The following COPG2 variants were observed in gnomAD, a reference collection of about 807,000 sequenced individuals.
COPG2 encodes the protein coatomer subunit gamma-2.
COPG2 carries 37 observed loss-of-function variants against 46.3 expected under a neutral mutation model. The observed-to-expected ratio is 0.80, with a 90% CI of 0.61 to 1.05. The LOEUF is 1.05. Ranked by LOEUF, COPG2 falls within the 50% of genes least tolerant of loss-of-function variation. COPG2 has a pLI of 0.00. For missense variants in COPG2, 427 were observed against 387.8 expected, an observed-to-expected ratio of 1.10 and a Z score of -0.85; for synonymous variants, 159 against 129.7, an observed-to-expected ratio of 1.23 and a Z score of -1.53.
intron 20 of COPG2, among the ~76,000 whole-genome samples, 155 bp from the exon 21 acceptor site, chr7:130,508,814 G>A (rs896988174): frequency 4.6e-5 from 7 of 152,116 alleles, no homozygotes; most frequent in African/African-American, 1.4e-4. Context: ...GCCTACAAGC[G>A]GGTCAGGAAG....
rs1053672364 is a variant in COPG2, at chr7:130,518,347, G to C, written c.2150-9688C>G. ...TTAAAGAGCTTTGTTGATAAGAAAG[G>C]GTAGAGGGGGAAGATCAGGGTGAAT... On this transcript the variant is annotated intron_variant, in intron 20 of 23. Transcript: ENST00000425248. Among the ~76,000 whole-genome samples, 587 of 152,266 alleles carry C rather than the reference G, an allele frequency of 3.9e-3. 6 individuals carry two copies. The highest frequency in any genetic ancestry group is 0.013 in the African/African-American group (559 of 41,562).
intron 5 of COPG2, among the ~76,000 whole-genome samples, chr7:130,638,365 G>T (rs1317819334): frequency 6.6e-6 from 1 of 152,176 alleles, no homozygotes; most frequent in Non-Finnish European, 1.5e-5. Flanking sequence ...AGGGAGATGG[G>T]AGTTTTATCC....
At chr7:130,509,572 G>A in intron 20 of COPG2, 1 of 435,766 alleles carries the variant, frequency 2.3e-6, no homozygotes. Flanking sequence ...ACTTTCATCT[G>A]CTCAGTCTTG....
chr7:130,511,871 T>C (rs1343341195), intron 20 of COPG2: 1 of 518,432 alleles, frequency 1.9e-6, no homozygotes, highest in African/African-American at 1.9e-5. Flanking sequence ...GAATGGCTAA[T>C]TAAAGGACTT....
At chr7:130,657,678 C>T (rs568913717) in intron 4 of COPG2, among the ~76,000 whole-genome samples, 1 of 152,150 alleles carries the variant, frequency 6.6e-6, no homozygotes, top group African/African-American at 2.4e-5. Context: ...CCTCTTAAAA[C>T]TCAATAATAA....
At chr7:130,649,728 AT>A (rs1275605246) in intron 5 of COPG2, among the ~76,000 whole-genome samples, 1 of 152,114 alleles carries the variant, frequency 6.6e-6, no homozygotes, top group Non-Finnish European at 1.5e-5. Context: ...CCATATTTCT[AT>A]TGTCATGGCA....
At chr7:130,632,303 A>T (rs192342055) in intron 5 of COPG2, among the ~76,000 whole-genome samples, 1 of 152,176 alleles carries the variant, frequency 6.6e-6, no homozygotes, top group Admixed American at 6.5e-5. Flanking sequence ...TTAGACTTCC[A>T]GATTTTCTGA....
chr7:130,577,226 G>A (rs1794017154), intron 9 of COPG2, among the ~76,000 whole-genome samples: 2 of 152,248 alleles, frequency 1.3e-5, no homozygotes. Context: ...CGACGCAGAA[G>A]ACCGGTGATT....
intron 20 of COPG2, among the ~76,000 whole-genome samples, chr7:130,517,576 G>A (rs899225780): frequency 6.6e-6 from 1 of 152,214 alleles, no homozygotes; most frequent in Admixed American, 6.5e-5. Context: ...AAATACATCG[G>A]TATTGACCAT....
chr7:130,650,499 T>A (rs1795714855), intron 5 of COPG2, among the ~76,000 whole-genome samples: 1 of 152,236 alleles, frequency 6.6e-6, no homozygotes, highest in African/African-American at 2.4e-5. Context: ...TTTCAAAATA[T>A]TAGTGAATCT....
intron 5 of COPG2, among the ~76,000 whole-genome samples, chr7:130,624,898 T>C (rs782135989): frequency 2.6e-5 from 4 of 152,228 alleles, no homozygotes; most frequent in Non-Finnish European, 5.9e-5. Flanking sequence ...CTTTTTCATA[T>C]AATGACTTCT....
chr7:130,623,568 T>G (rs1468267298), intron 5 of COPG2, among the ~76,000 whole-genome samples: 1 of 152,230 alleles, frequency 6.6e-6, no homozygotes, highest in African/African-American at 2.4e-5. Context: ...ACATTATATT[T>G]TCCACGTGAA....
intron 5 of COPG2, among the ~76,000 whole-genome samples, chr7:130,620,208 T>C (rs966720492): frequency 1.3e-5 from 2 of 152,144 alleles, no homozygotes; most frequent in Non-Finnish European, 2.9e-5. Context: ...TTTCTTTTAG[T>C]TCAGCATTTC....
chr7:130,589,278 T>C (rs993649643), intron 9 of COPG2, among the ~76,000 whole-genome samples: 1 of 151,628 alleles, frequency 6.6e-6, no homozygotes, highest in South Asian at 2.1e-4. Flanking sequence ...CTGTACAGGT[T>C]TACTTTTTTT....
chr7:130,532,110 G>A lies in COPG2; in HGVS notation c.2149+15564C>T, dbSNP rs953345124. On this transcript the variant is annotated intron_variant, in intron 20 of 23. Transcript: ENST00000425248. Reference sequence around the variant, plus strand: ...GACATGTAGAGTGAGAGGGGAAGACGCACGTGCAGCAGGGTTGATGGAGGC... The same window carrying A: ...GACATGTAGAGTGAGAGGGGAAGACACACGTGCAGCAGGGTTGATGGAGGC... 6.4e-4 allele frequency among the ~76,000 whole-genome samples: 97 copies of A among 152,290 alleles called. No individual in the cohort carries two copies. The South Asian group carries it at 0.014, about 22-fold the overall frequency.
intron 20 of COPG2, among the ~76,000 whole-genome samples, chr7:130,524,598 C>T (rs950581772): frequency 8.5e-5 from 13 of 152,096 alleles, no homozygotes; most frequent in African/African-American, 3.1e-4. Flanking sequence ...GTAAAGGAGG[C>T]ATGCCAGGCG....
At chr7:130,533,305 G>A (rs1338420568) in intron 20 of COPG2, among the ~76,000 whole-genome samples, 1 of 151,804 alleles carries the variant, frequency 6.6e-6, no homozygotes, top group Non-Finnish European at 1.5e-5. Flanking sequence ...TAGGGGTTGG[G>A]GCACAAGGGT....
intron 20 of COPG2, among the ~76,000 whole-genome samples, chr7:130,529,869 T>C (rs1482153314): frequency 4.6e-5 from 7 of 152,330 alleles, no homozygotes; most frequent in Non-Finnish European, 7.3e-5. Context: ...TGAATCCACG[T>C]TTCTGCTGTT....
chr7:130,608,334 G>A (rs933974248), intron 9 of COPG2: 8 of 304,648 alleles, frequency 2.6e-5, no homozygotes, highest in Admixed American at 9.0e-5. Context: ...AGTAAAAATT[G>A]TATATATTTA....
Sources: gnomAD v4.1 joint callset for allele counts (sites outside exome capture counted in the v4.1 genomes callset) on GRCh38, gnomAD v4.1.1 for gene constraint, MANE v1.5 for transcripts, NCBI Gene and HGNC (gene_info 2026-07-23, HGNC 2026-07-21) for gene names.